Variants in NECAB2 observed in about 807,000 individuals in gnomAD.
NECAB2 encodes the protein N-terminal EF-hand calcium-binding protein 2.
A neutral mutation model predicts 51.9 loss-of-function variants in NECAB2; 68 were observed. The ratio of observed to expected loss-of-function variants is 1.31; its 90% CI spans 1.08 to 1.60. NECAB2 has a LOEUF of 1.60. Among genes scored for constraint, NECAB2 ranks in the 40% most tolerant of loss-of-function variants. The pLI is 0.00. For synonymous variants in NECAB2, 329 were observed against 203.5 expected, an observed-to-expected ratio of 1.62 and a Z score of -5.25; for missense variants, 854 against 490.3, an observed-to-expected ratio of 1.74 and a Z score of -7.00.
chr16:83,997,478 CCTTTTTTTTT>C (rs1235122312), intron 9 of NECAB2, among the ~76,000 whole-genome samples: 3 of 105,056 alleles, frequency 2.9e-5, no homozygotes, highest in African/African-American at 1.0e-4. Flanking sequence ...GCTCCCTGGA[CCTTTTTTTTT>C]TTTTTTTTTT....
At chr16:83,995,298 C>G (rs2151098181) in intron 8 of NECAB2, among the ~76,000 whole-genome samples, 1 of 152,260 alleles carries the variant, frequency 6.6e-6, no homozygotes, top group Non-Finnish European at 1.5e-5. Flanking sequence ...GCTCAGGTAT[C>G]AGTCAGAATT....
chr16:83,983,265 T>G (rs563015361), intron 5 of NECAB2, among the ~76,000 whole-genome samples: 1 of 152,332 alleles, frequency 6.6e-6, no homozygotes, highest in South Asian at 2.1e-4. Context: ...TTTGCTTTCG[T>G]CAAGCCGCAG....
intron 5 of NECAB2, among the ~76,000 whole-genome samples, chr16:83,985,393 G>T (rs12149117): frequency 6.7e-6 from 1 of 148,988 alleles, no homozygotes; most frequent in Non-Finnish European, 1.5e-5. Context: ...CCAGCACTTT[G>T]GGAGGCCGAG....
Position 84,000,761 on chromosome 16 carries a change from G to GTCATCTATGAGTTCTGGGAGAC in NECAB2, c.1001_1022dup (p.Glu342HisfsTer3). The GTCATCTATGAGTTCTGGGAGAC allele has an allele frequency of 1.2e-6, 2 of 1,613,872 alleles. No homozygotes were observed. The highest frequency in any genetic ancestry group is 2.2e-5 in the South Asian group (2 of 91,074). ...GAGGCTCTCAGATGGCTTCACCTTT[G>GTCATCTATGAGTTCTGGGAGAC]TCATCTATGAGTTCTGGGAGACAGA... is the stretch of plus-strand genomic sequence containing the variant. On this transcript the variant is annotated frameshift_variant, in exon 11 of 13. Coordinates refer to ENST00000305202, the MANE Select transcript of NECAB2 (RefSeq NM_019065.3). LOFTEE classifies it high-confidence loss of function.
In NECAB2 at chr16:83,972,212, C is replaced by T. The variant is rs112651630; in HGVS notation, c.226+37C>T. 1,243 of 1,612,760 alleles carry T rather than the reference C, an allele frequency of 7.7e-4. 19 individuals carry two copies. In the East Asian group the frequency reaches 0.026, roughly 33 times the overall value. On this transcript the variant is annotated intron_variant, in intron 2 of 12. Coordinates refer to ENST00000305202, the MANE Select transcript of NECAB2 (RefSeq NM_019065.3). ...TTCCAGGCCGACGGCCGCCCCACTC[C>T]TTCTGTCCTCGTGCTTCATGGGGAA...
At chr16:83,999,788 C>CAGGT (rs1311613528) in intron 10 of NECAB2, among the ~76,000 whole-genome samples, 2 of 152,100 alleles carry the variant, frequency 1.3e-5, no homozygotes, top group African/African-American at 4.8e-5. Flanking sequence ...TTGGTCAGGT[C>CAGGT]AGGTACAGTG....
At position 83,997,203 on chromosome 16, in the gene NECAB2, T is replaced by C. The variant is rs202073191; in HGVS notation, c.796-13T>C. 2 of 1,614,104 alleles carry C rather than the reference T, an allele frequency of 1.2e-6. No individual in the cohort carries two copies. Among genetic ancestry groups the C allele is most frequent in the Non-Finnish European group, 1.7e-6 (2 of 1,180,000 alleles). ...CTCTGGGTCTAGCATCACTGTGTGCTGGATTGTTTCAGGCACTGTGGTTCG... is the reference window on the plus strand; with the variant it reads ...CTCTGGGTCTAGCATCACTGTGTGCCGGATTGTTTCAGGCACTGTGGTTCG... On this transcript the variant is annotated splice_polypyrimidine_tract_variant and intron_variant, in intron 8 of 12. Transcript: ENST00000305202.
intron 2 of NECAB2, among the ~76,000 whole-genome samples, chr16:83,974,364 A>G (rs2084381794): frequency 2.0e-5 from 3 of 152,132 alleles, no homozygotes; most frequent in Admixed American, 2.0e-4. Context: ...CTGAGGATAG[A>G]TAGTTGCTCT....
intron 5 of NECAB2, among the ~76,000 whole-genome samples, chr16:83,987,672 C>G (rs1257288691): frequency 6.6e-6 from 1 of 152,056 alleles, no homozygotes; most frequent in East Asian, 1.9e-4. Context: ...TTTTAGTGTA[C>G]TTATTTTTCC....
chr16:84,000,886 G>A, intron 11 of NECAB2, 85 bp downstream of exon 11: 1 of 1,371,270 alleles, frequency 7.3e-7, no homozygotes, highest in East Asian at 2.3e-5. Context: ...TCCTTGGAGG[G>A]GAGGGTAAGG....
chr16:83,972,026 G>C (rs764839984), intron 1 of NECAB2, 125 bp from the exon 2 acceptor site: 2 of 1,309,424 alleles, frequency 1.5e-6, no homozygotes, highest in Non-Finnish European at 2.1e-6. Flanking sequence ...GGGAAGGGGG[G>C]CTCAGCTTCC....
chr16:83,992,473 AAG>A (rs1386341835), intron 6 of NECAB2, among the ~76,000 whole-genome samples: 2 of 151,804 alleles, frequency 1.3e-5, no homozygotes, highest in Non-Finnish European at 2.9e-5. Flanking sequence ...ACAGAAGAAA[AAG>A]AGAAAATGCA....
At chr16:83,983,927 T>G (rs529380012) in intron 5 of NECAB2, among the ~76,000 whole-genome samples, 37 of 152,182 alleles carry the variant, frequency 2.4e-4, no homozygotes, top group African/African-American at 8.4e-4. Context: ...CATAGTTATT[T>G]TAAGGTCATC....
At chr16:83,977,762 C>A (rs2084432019) in intron 2 of NECAB2, among the ~76,000 whole-genome samples, 1 of 152,206 alleles carries the variant, frequency 6.6e-6, no homozygotes, top group South Asian at 2.1e-4. Context: ...CATTGGCAGC[C>A]ATCTCATGCT....
rs145915381 is a variant in NECAB2, at chr16:83,972,591, A to G, written c.226+416A>G. ...AAGCCTTGGTGCAGTTCTTCATCGT[A>G]GCAACCTGAGCAGTCAGTGCTCTTG... On this transcript the variant is annotated intron_variant, in intron 2 of 12. Transcript: ENST00000305202. Among the ~76,000 whole-genome samples, 688 of 152,330 alleles carry G rather than the reference A, an allele frequency of 4.5e-3. 4 individuals carry two copies. The highest frequency in any genetic ancestry group is 0.014 in the African/African-American group (599 of 41,576).
intron 12 of NECAB2, among the ~76,000 whole-genome samples, 160 bp from the exon 13 acceptor site, chr16:84,002,158 T>C (rs1425133848): frequency 6.6e-6 from 1 of 152,154 alleles, no homozygotes; most frequent in Non-Finnish European, 1.5e-5. Context: ...TGAATTTCCC[T>C]TCCCAGGTGT....
At chr16:83,983,500 A>G (rs1173378286) in intron 5 of NECAB2, among the ~76,000 whole-genome samples, 1 of 152,174 alleles carries the variant, frequency 6.6e-6, no homozygotes, top group Non-Finnish European at 1.5e-5. Context: ...TGTTGGAGAA[A>G]TATTTTTGCA....
At chr16:83,965,347 CG>C, upstream of NECAB2, 3 of 1,571,710 alleles carry the variant, frequency 1.9e-6, no homozygotes, top group Non-Finnish European at 1.7e-6. Context: ...TGGGCATCCC[CG>C]GGGAGGCCCT....
At chr16:83,995,085 C>G (rs977249271) in intron 8 of NECAB2, among the ~76,000 whole-genome samples, 1 of 152,076 alleles carries the variant, frequency 6.6e-6, no homozygotes, top group Non-Finnish European at 1.5e-5. Context: ...CGTGATGATT[C>G]GAGAGAGTTT....
Sources: allele counts gnomAD v4.1 joint callset (sites outside exome capture counted in the v4.1 genomes callset), GRCh38; gene constraint gnomAD v4.1.1; transcripts MANE v1.5; gene names NCBI Gene and HGNC (gene_info 2026-07-23, HGNC 2026-07-21).